The following ST7 variants were observed in gnomAD, a reference collection of about 807,000 sequenced individuals.
ST7 encodes suppressor of tumorigenicity 7 protein.
In ST7, 28 loss-of-function variants were observed where a neutral mutation model predicts 78.7. That is an observed-to-expected ratio of 0.36 (90% CI 0.26 to 0.49). The LOEUF is 0.49. Ranked by LOEUF, ST7 falls within the 20% of genes least tolerant of loss-of-function variation. The pLI is 0.99. For synonymous variants in ST7, 247 were observed against 249.6 expected, an observed-to-expected ratio of 0.99 and a Z score of 0.10; for missense variants, 418 against 696.0, an observed-to-expected ratio of 0.60 and a Z score of 4.49.
chr7:117,106,714 G>A (rs773427767), intron 2 of ST7, among the ~76,000 whole-genome samples: 2 of 146,522 alleles, frequency 1.4e-5, no homozygotes, highest in Non-Finnish European at 3.0e-5. Context: ...TCTGTCTCCC[G>A]GGTTCACACC....
chr7:116,996,222 C>T (rs1287331711), intron 1 of ST7, among the ~76,000 whole-genome samples: 1 of 152,050 alleles, frequency 6.6e-6, no homozygotes. Flanking sequence ...GCTGGGACTA[C>T]AGGCATGTGC....
chr7:117,022,089 G>T lies in ST7; in HGVS notation c.151+68398G>T, dbSNP rs568398774. Among the ~76,000 whole-genome samples, 53 of 152,266 alleles carry T rather than the reference G, an allele frequency of 3.5e-4. 3 individuals are homozygous for T. The South Asian group carries it at 0.01, about 30-fold the overall frequency. ...TGGACTAGGGACTCTAACATTGTCT[G>T]CTCAGTGTTACCAAGCAGACACATA... is the stretch of plus-strand genomic sequence containing the variant. On this transcript the variant is annotated intron_variant, in intron 1 of 15. Transcript: ENST00000323984.
chr7:117,129,438 A>G (rs1804151849), intron 3 of ST7, among the ~76,000 whole-genome samples: 1 of 151,940 alleles, frequency 6.6e-6, no homozygotes, highest in African/African-American at 2.4e-5. Flanking sequence ...GACAGAAAAT[A>G]GTTTTACTTC....
intron 9 of ST7, among the ~76,000 whole-genome samples, chr7:117,163,930 T>C (rs1269510031): frequency 1.3e-5 from 2 of 152,208 alleles, no homozygotes; most frequent in African/African-American, 2.4e-5. Flanking sequence ...GGACCTTACA[T>C]TGAGGTTTTT....
chr7:117,022,726 G>A (rs1795987522), intron 1 of ST7, among the ~76,000 whole-genome samples: 1 of 152,058 alleles, frequency 6.6e-6, no homozygotes, highest in African/African-American at 2.4e-5. Context: ...TCCTGGTAAG[G>A]GTTAATTTTT....
At chr7:117,099,641 C>T (rs1222963383) in intron 1 of ST7, 121 bp from the exon 2 acceptor site, 9 of 686,848 alleles carry the variant, frequency 1.3e-5, no homozygotes, top group Non-Finnish European at 1.9e-5. Context: ...TACTATGGTT[C>T]TAAGAATTAT....
rs1793671414 is a variant in ST7 at position 117,229,722 on chromosome 7, G to A, written c.1639-40G>A. ...AGGTTTGTTTTATAGTCTTGAACAAGGTTTCTGCTGACTTCTGTGTCTGTC... is the reference window on the plus strand; with the variant it reads ...AGGTTTGTTTTATAGTCTTGAACAAAGTTTCTGCTGACTTCTGTGTCTGTC... On this transcript the variant is annotated intron_variant, in intron 15 of 15. Transcript: ENST00000323984. The A allele has an allele frequency of 3.2e-6, 5 of 1,542,936 alleles. No homozygotes were observed. In the South Asian group the frequency reaches 4.7e-5, roughly 15 times the overall value.
At chr7:116,965,224 C>T (rs1793044791) in intron 1 of ST7, among the ~76,000 whole-genome samples, 1 of 151,780 alleles carries the variant, frequency 6.6e-6, no homozygotes, top group East Asian at 1.9e-4. Flanking sequence ...CCTGTAGTCC[C>T]AGCTACTCCA....
At chr7:116,968,825 A>G (rs10808184) in intron 1 of ST7, among the ~76,000 whole-genome samples, 149,741 of 152,298 alleles carry the variant, frequency 0.98, 73,673 homozygotes, top group East Asian at 1. Flanking sequence ...CTTGGAGAAT[A>G]TGAGAATGTG....
chr7:117,172,159 C>A (rs1449209320), intron 10 of ST7, among the ~76,000 whole-genome samples: 1 of 152,016 alleles, frequency 6.6e-6, no homozygotes, highest in African/African-American at 2.4e-5. Context: ...CGTTATGTTA[C>A]CCAGGCTGGT....
chr7:117,000,930 C>G (rs777110116), intron 1 of ST7, among the ~76,000 whole-genome samples: 2 of 152,132 alleles, frequency 1.3e-5, no homozygotes, highest in Non-Finnish European at 2.9e-5. Flanking sequence ...TCTGAAAAAC[C>G]CAGACATCTG....
chr7:117,198,483 C>G (rs769545959), intron 12 of ST7: 1 of 318,412 alleles, frequency 3.1e-6, no homozygotes, highest in Non-Finnish European at 6.2e-6. Flanking sequence ...AGGGGAGGCT[C>G]TAGCATGTTC....
chr7:116,959,643 T>C (rs1369113931), intron 1 of ST7: 1 of 159,368 alleles, frequency 6.3e-6, no homozygotes, highest in East Asian at 1.8e-4. Context: ...TTATATATTC[T>C]ATGATGGGCC....
intron 1 of ST7, among the ~76,000 whole-genome samples, chr7:117,087,339 A>G (rs1391694086): frequency 6.6e-6 from 1 of 152,218 alleles, no homozygotes; most frequent in Non-Finnish European, 1.5e-5. Context: ...CTCGGCTGAT[A>G]AAACAGGAAT....
intron 9 of ST7, among the ~76,000 whole-genome samples, chr7:117,152,109 A>T (rs924630679): frequency 5.0e-5 from 7 of 141,098 alleles, no homozygotes; most frequent in African/African-American, 2.0e-4. Context: ...ACAGAGTGAG[A>T]CACCATCTCA....
At chr7:117,150,975 T>A (rs1480476282) in intron 9 of ST7, among the ~76,000 whole-genome samples, 1 of 152,218 alleles carries the variant, frequency 6.6e-6, no homozygotes, top group African/African-American at 2.4e-5. Flanking sequence ...ATTCAATTAA[T>A]ATGTGCAAGT....
intron 1 of ST7, among the ~76,000 whole-genome samples, chr7:117,095,791 G>A (rs1800983706): frequency 6.6e-6 from 1 of 152,104 alleles, no homozygotes; most frequent in Non-Finnish European, 1.5e-5. Context: ...ATATCTGGCT[G>A]GGTGGGTGGC....
At chr7:116,967,805 G>A (rs1585057899) in intron 1 of ST7, among the ~76,000 whole-genome samples, 1 of 152,120 alleles carries the variant, frequency 6.6e-6, no homozygotes, top group Admixed American at 6.5e-5. Context: ...CTATAATATT[G>A]ACTTTGTTTT....
intron 1 of ST7, among the ~76,000 whole-genome samples, chr7:117,094,306 C>G (rs956150759): frequency 3.9e-5 from 6 of 152,214 alleles, no homozygotes; most frequent in Non-Finnish European, 5.9e-5. Flanking sequence ...GCCTACCGCT[C>G]TACCCCTCAC....
Sources: gnomAD v4.1 joint callset for allele counts (sites outside exome capture counted in the v4.1 genomes callset) on GRCh38, gnomAD v4.1.1 for gene constraint, MANE v1.5 for transcripts, NCBI Gene and HGNC (gene_info 2026-07-23, HGNC 2026-07-21) for gene names.